Variants in OLFM3 observed in about 807,000 individuals in gnomAD.
OLFM3 encodes the protein olfactomedin 3.
In OLFM3, 20 loss-of-function variants were observed where a neutral mutation model predicts 48.6. The ratio of observed to expected loss-of-function variants is 0.41; its 90% CI spans 0.29 to 0.60. The LOEUF is 0.60. Among genes scored for constraint, OLFM3 ranks in the 20% least tolerant of loss-of-function variants. The pLI, the probability that OLFM3 is intolerant of heterozygous loss-of-function variation, is 0.28. For synonymous variants in OLFM3, 222 were observed against 198.1 expected (o/e 1.12, Z -1.01); for missense variants, 437 against 544.3 (o/e 0.80, Z 1.96).
At chr1:101,830,888 A>G (rs1469189351) in intron 2 of OLFM3, 61 bp from the exon 3 acceptor site, 1 of 1,474,538 alleles carries the variant, frequency 6.8e-7, no homozygotes, top group East Asian at 2.4e-5. Flanking sequence ...GCAATCACTA[A>G]GAAATAGCAA....
intron 1 of OLFM3, among the ~76,000 whole-genome samples, chr1:101,869,624 C>T (rs966858819): frequency 6.6e-6 from 1 of 152,006 alleles, no homozygotes; most frequent in African/African-American, 2.4e-5. Context: ...TGGGAGGGAG[C>T]AGGGGCAGAA....
In OLFM3 at chr1:101,928,100, G is replaced by A. The variant is rs185796681; in HGVS notation, c.69+68648C>T. 1.6e-4 allele frequency among the ~76,000 whole-genome samples: 24 copies of A among 152,142 alleles called. No individual in the cohort carries two copies. In the East Asian group the frequency reaches 4.4e-3, roughly 28 times the overall value. On this transcript the variant is annotated intron_variant, in intron 1 of 5. Transcript: ENST00000370103. ...CTTAATAAATATTTTTTGAATGAAT[G>A]AATCAAAACATTAAAGAAGCTGCCG...
chr1:101,830,987 A>G (rs1352733859), intron 2 of OLFM3, among the ~76,000 whole-genome samples, 160 bp from the exon 3 acceptor site: 1 of 152,248 alleles, frequency 6.6e-6, no homozygotes, highest in East Asian at 1.9e-4. Context: ...CTTCATTATA[A>G]ACATTTAAAG....
At chr1:101,836,462 C>T (rs898499155) in intron 2 of OLFM3, among the ~76,000 whole-genome samples, 1 of 152,144 alleles carries the variant, frequency 6.6e-6, no homozygotes, top group African/African-American at 2.4e-5. Context: ...ATTATCTGTC[C>T]AGATAGCTTG....
chr1:101,982,618 G>A (rs1661133776), intron 1 of OLFM3, among the ~76,000 whole-genome samples: 1 of 152,190 alleles, frequency 6.6e-6, no homozygotes. Context: ...CCTAATGTGT[G>A]TGGGCCTCTT....
chr1:101,894,536 T>C (rs1163182633), intron 1 of OLFM3, among the ~76,000 whole-genome samples: 1 of 152,182 alleles, frequency 6.6e-6, no homozygotes, highest in South Asian at 2.1e-4. Flanking sequence ...GATTGACTTT[T>C]ACTTATTTTA....
intron 1 of OLFM3, among the ~76,000 whole-genome samples, chr1:101,870,671 C>G (rs2100975561): frequency 6.6e-6 from 1 of 152,238 alleles, no homozygotes; most frequent in Middle Eastern, 3.4e-3. Flanking sequence ...GAAGGTTTCT[C>G]CAACTCCTGG....
At chr1:101,830,936 A>G (rs546529558) in intron 2 of OLFM3, 109 bp from the exon 3 acceptor site, 285 of 860,292 alleles carry the variant, frequency 3.3e-4, no homozygotes, top group Non-Finnish European at 4.8e-4. Flanking sequence ...TGCCAAATTC[A>G]TAACTGGGTT....
intron 1 of OLFM3, among the ~76,000 whole-genome samples, chr1:101,992,231 G>C (rs926452848): frequency 6.6e-6 from 1 of 152,152 alleles, no homozygotes. Context: ...TAGTTGCAAA[G>C]CTATAAGCAG....
chr1:101,948,726 C>T (rs1361173215), intron 1 of OLFM3, among the ~76,000 whole-genome samples: 1 of 151,932 alleles, frequency 6.6e-6, no homozygotes, highest in East Asian at 1.9e-4. Context: ...TCAAAACACT[C>T]AGGGTTTTCT....
chr1:101,850,149 A>AGCTC (rs1553173436), intron 1 of OLFM3, among the ~76,000 whole-genome samples: 1 of 151,462 alleles, frequency 6.6e-6, no homozygotes, highest in Admixed American at 6.6e-5. Flanking sequence ...ACAAACCAAA[A>AGCTC]TCTATCACTA....
chr1:101,824,184 A>G (rs576963865), intron 4 of OLFM3, among the ~76,000 whole-genome samples: 70 of 152,150 alleles, frequency 4.6e-4, no homozygotes, highest in Non-Finnish European at 8.1e-4. Context: ...TCTTGAGAGA[A>G]CACTTTCTAT....
At chr1:101,848,728 T>C (rs943938278) in intron 1 of OLFM3, among the ~76,000 whole-genome samples, 5 of 152,090 alleles carry the variant, frequency 3.3e-5, no homozygotes, top group African/African-American at 1.2e-4. Context: ...GCAAAGTGGA[T>C]TTACAAATCT....
intron 1 of OLFM3, among the ~76,000 whole-genome samples, chr1:101,913,334 C>T (rs1658819239): frequency 6.6e-6 from 1 of 152,126 alleles, no homozygotes; most frequent in Non-Finnish European, 1.5e-5. Context: ...GACTTGAACG[C>T]CCTCAACAGA....
At chr1:101,895,313 G>T (rs1255247145) in intron 1 of OLFM3, among the ~76,000 whole-genome samples, 1 of 151,794 alleles carries the variant, frequency 6.6e-6, no homozygotes, top group African/African-American at 2.4e-5. Flanking sequence ...TGTTGCTAGA[G>T]ATAAGTTATG....
intron 4 of OLFM3, among the ~76,000 whole-genome samples, chr1:101,814,515 C>G (rs528294972): frequency 6.6e-6 from 1 of 152,276 alleles, no homozygotes; most frequent in South Asian, 2.1e-4. Flanking sequence ...AGGAAGACCT[C>G]TCAGTGTGTG....
chr1:101,895,422 C>CACACAA (rs1451891140), intron 1 of OLFM3, among the ~76,000 whole-genome samples: 1 of 148,234 alleles, frequency 6.7e-6, no homozygotes, highest in Non-Finnish European at 1.5e-5. Context: ...TACACACACA[C>CACACAA]ACACACACAC....
intron 1 of OLFM3, among the ~76,000 whole-genome samples, chr1:101,963,356 C>T (rs893836485): frequency 1.3e-5 from 2 of 152,178 alleles, no homozygotes; most frequent in African/African-American, 4.8e-5. Flanking sequence ...GGGAGGGTAA[C>T]CCCTGACTGC....
chr1:101,848,687 C>T (rs1656109219), intron 1 of OLFM3, among the ~76,000 whole-genome samples: 1 of 152,090 alleles, frequency 6.6e-6, no homozygotes, highest in Non-Finnish European at 1.5e-5. Flanking sequence ...TGAAATTTTA[C>T]ATTAGTATTA....
Sources: allele counts gnomAD v4.1 joint callset (sites outside exome capture counted in the v4.1 genomes callset), GRCh38; gene constraint gnomAD v4.1.1; transcripts MANE v1.5; gene names NCBI Gene and HGNC (gene_info 2026-07-23, HGNC 2026-07-21).